The following COX10 variants were observed in gnomAD, a reference collection of about 807,000 sequenced individuals.
COX10 encodes protoheme IX farnesyltransferase, mitochondrial.
In COX10, 27 loss-of-function variants were observed where a neutral mutation model predicts 37.3. The ratio of observed to expected loss-of-function variants is 0.72; its 90% CI spans 0.53 to 1.00. The LOEUF (loss-of-function observed/expected upper bound fraction) is 1.00, where lower values mean the gene tolerates loss of function less well. Among genes scored for constraint, COX10 ranks in the 50% least tolerant of loss-of-function variants. COX10 has a pLI of 0.00. For missense variants in COX10, 475 were observed against 563.2 expected, an observed-to-expected ratio of 0.84 and a Z score of 1.59; for synonymous variants, 222 against 229.1, an observed-to-expected ratio of 0.97 and a Z score of 0.28.
At chr17:14,084,269 G>C (rs950183840) in intron 3 of COX10, among the ~76,000 whole-genome samples, 1 of 151,936 alleles carries the variant, frequency 6.6e-6, no homozygotes, top group Non-Finnish European at 1.5e-5. Context: ...TAAGTGCCTT[G>C]ATATATTTAC....
At chr17:14,080,503 G>A (rs374864153) in intron 3 of COX10, among the ~76,000 whole-genome samples, 3 of 151,974 alleles carry the variant, frequency 2.0e-5, no homozygotes, top group Non-Finnish European at 2.9e-5. Flanking sequence ...GTGAGCCACC[G>A]CACCCGGCCA....
At chr17:14,140,096 A>G (rs1400530350) in intron 4 of COX10, among the ~76,000 whole-genome samples, 6 of 152,198 alleles carry the variant, frequency 3.9e-5, no homozygotes, top group African/African-American at 7.2e-5. Flanking sequence ...GAAAGATTTA[A>G]TGTGGTTTGG....
chr17:14,195,115 A>T (rs1906330842), intron 6 of COX10, among the ~76,000 whole-genome samples: 1 of 152,256 alleles, frequency 6.6e-6, no homozygotes, highest in African/African-American at 2.4e-5. Flanking sequence ...ATTATACAGA[A>T]AGAATACTAC....
chr17:14,121,882 C>T (rs142621222), intron 4 of COX10, among the ~76,000 whole-genome samples: 334 of 152,008 alleles, frequency 2.2e-3, no homozygotes, highest in African/African-American at 7.8e-3. Context: ...GGATTTTAGT[C>T]GAAGAAATAA....
At chr17:14,171,666 C>T (rs1436596776) in intron 5 of COX10, among the ~76,000 whole-genome samples, 3 of 151,450 alleles carry the variant, frequency 2.0e-5, no homozygotes, top group East Asian at 1.9e-4. Flanking sequence ...GTTCCTTCCT[C>T]CTCCACCTAC....
intron 3 of COX10, among the ~76,000 whole-genome samples, chr17:14,081,651 CT>C (rs1225368495): frequency 2.0e-5 from 3 of 152,216 alleles, no homozygotes; most frequent in African/African-American, 7.2e-5. Flanking sequence ...GTTTACCCAT[CT>C]GTAAACTAGG....
At chr17:14,147,184 G>A (rs907644797) in intron 4 of COX10, among the ~76,000 whole-genome samples, 1 of 152,144 alleles carries the variant, frequency 6.6e-6, no homozygotes, top group African/African-American at 2.4e-5. Context: ...ATATGGAAGA[G>A]ATATCTACAC....
chr17:14,207,498 C>G lies in COX10; in HGVS notation c.*285C>G. The G allele has an allele frequency of 2.4e-6, 1 of 411,322 alleles. No individual in the cohort carries two copies. Among genetic ancestry groups the G allele is most frequent in the Non-Finnish European group, 4.4e-6 (1 of 228,974 alleles). The allele number at this position is 411,322 out of a possible 1,614,324, so 25.5% of individuals were successfully genotyped here. A position where few individuals can be genotyped will look rare whatever the true frequency, so the allele number is the denominator to read the frequency against. ...ACCCCACCCTCTATTCTGTTTCTTC[C>G]TCCTCACATGGGGGTACACATACAC... is the stretch of plus-strand genomic sequence containing the variant. On this transcript the variant is annotated 3_prime_UTR_variant, in exon 7 of 7. Transcript: ENST00000261643.
intron 6 of COX10, among the ~76,000 whole-genome samples, chr17:14,203,637 A>G (rs1409299106): frequency 1.3e-5 from 2 of 152,182 alleles, no homozygotes; most frequent in Non-Finnish European, 2.9e-5. Context: ...AGATTAAAGG[A>G]GGAGCTGGTT....
intron 4 of COX10, among the ~76,000 whole-genome samples, chr17:14,138,555 T>G (rs1904447356): frequency 6.6e-6 from 1 of 152,172 alleles, no homozygotes; most frequent in South Asian, 2.1e-4. Flanking sequence ...CTACCGGTTC[T>G]TGAGTGCTAG....
At chr17:14,120,476 T>A (rs1005090048) in intron 4 of COX10, among the ~76,000 whole-genome samples, 2 of 152,138 alleles carry the variant, frequency 1.3e-5, no homozygotes, top group South Asian at 4.1e-4. Flanking sequence ...GAGGGCATAT[T>A]TCAAGGAGGA....
At chr17:14,112,351 A>G (rs923526559) in intron 4 of COX10, among the ~76,000 whole-genome samples, 1 of 152,160 alleles carries the variant, frequency 6.6e-6, no homozygotes, top group Non-Finnish European at 1.5e-5. Context: ...ACATTCACCC[A>G]CCTATTAGAA....
At chr17:14,151,495 A>G (rs1245253255) in intron 4 of COX10, among the ~76,000 whole-genome samples, 3 of 150,502 alleles carry the variant, frequency 2.0e-5, no homozygotes, top group African/African-American at 4.9e-5. Flanking sequence ...TTTTTCATCC[A>G]GATGAAATGA....
At chr17:14,188,823 T>G (rs1329115482) in intron 5 of COX10, among the ~76,000 whole-genome samples, 1 of 151,694 alleles carries the variant, frequency 6.6e-6, no homozygotes. Context: ...AGCTTTCTGC[T>G]AAAGCTTTGC....
chr17:14,090,822 G>C (rs183240676), intron 3 of COX10, among the ~76,000 whole-genome samples: 376 of 152,278 alleles, frequency 2.5e-3, no homozygotes, highest in Non-Finnish European at 4.5e-3. Context: ...ATTAATGCCT[G>C]TTCACTTTTC....
chr17:14,181,953 G>A (rs1905873575), intron 5 of COX10: 7 of 982,918 alleles, frequency 7.1e-6, no homozygotes, highest in Non-Finnish European at 8.5e-6. Flanking sequence ...TGAATAAGAA[G>A]GCTGAATCTC....
chr17:14,149,217 A>C (rs1015462330), intron 4 of COX10, among the ~76,000 whole-genome samples: 1 of 151,932 alleles, frequency 6.6e-6, no homozygotes, highest in African/African-American at 2.4e-5. Context: ...TTCCCAAACC[A>C]ATTATGAGAC....
At chr17:14,132,982 C>A (rs530033472) in intron 4 of COX10, among the ~76,000 whole-genome samples, 7 of 151,632 alleles carry the variant, frequency 4.6e-5, no homozygotes, top group Non-Finnish European at 1.0e-4. Context: ...ACAACTCAAT[C>A]AATTTGGAAA....
At chr17:14,091,398 G>C (rs926802817) in intron 3 of COX10, among the ~76,000 whole-genome samples, 6 of 152,178 alleles carry the variant, frequency 3.9e-5, no homozygotes, top group African/African-American at 1.4e-4. Flanking sequence ...ACCAATAAGG[G>C]AAGTCTTTTA....
Sources: gnomAD v4.1 joint callset for allele counts (sites outside exome capture counted in the v4.1 genomes callset) on GRCh38, gnomAD v4.1.1 for gene constraint, MANE v1.5 for transcripts, NCBI Gene and HGNC (gene_info 2026-07-23, HGNC 2026-07-21) for gene names.